GARIN5A: variants seen among roughly 807,000 people sequenced by gnomAD.
The protein encoded by GARIN5A is golgi associated RAB2 interactor 5A, also known as Golgi-associated RAB2 interactor protein 5A.
chr19:50,471,128 CTAA>C, the GARIN5A span, among the ~76,000 whole-genome samples: 1 of 151,906 alleles, frequency 6.6e-6, no homozygotes, highest in African/African-American at 2.4e-5. Flanking sequence ...CCATCCCTGG[CTAA>C]TGTTTGTATT....
At chr19:50,472,102 A>ATGTATG in the GARIN5A span, among the ~76,000 whole-genome samples, 357 of 142,500 alleles carry the variant, frequency 2.5e-3, 4 homozygotes, top group East Asian at 0.021. Context: ...GTATATGTAT[A>ATGTATG]TATACGTGTG....
the GARIN5A span, among the ~76,000 whole-genome samples, chr19:50,472,156 A>ATGTATATATACGTGTGTATG: frequency 6.7e-6 from 1 of 149,966 alleles, no homozygotes; most frequent in Non-Finnish European, 1.5e-5. Context: ...ACGTGTGTAT[A>ATGTATATATACGTGTGTATG]TGTATGTATA....
chr19:50,472,150 G>A, the GARIN5A span, among the ~76,000 whole-genome samples: 3 of 150,904 alleles, frequency 2.0e-5, no homozygotes, highest in African/African-American at 7.3e-5. Flanking sequence ...ATGTATACGT[G>A]TGTATATGTA....
the GARIN5A span, among the ~76,000 whole-genome samples, chr19:50,471,884 G>C: frequency 6.6e-6 from 1 of 150,686 alleles, no homozygotes; most frequent in Admixed American, 6.6e-5. Context: ...GCATACATGT[G>C]TGTATATGTA....
chr19:50,471,984 A>ATATGTATATATACGTG, the GARIN5A span, among the ~76,000 whole-genome samples: 1 of 149,522 alleles, frequency 6.7e-6, no homozygotes, highest in African/African-American at 2.5e-5. Context: ...GTATGTGTGT[A>ATATGTATATATACGTG]TATGTATATA....
the GARIN5A span, among the ~76,000 whole-genome samples, chr19:50,471,749 CATGCATGTGTAT>C: frequency 5.5e-5 from 8 of 145,956 alleles, no homozygotes; most frequent in South Asian, 2.1e-4. Flanking sequence ...TATACGCATA[CATGCATGTGTAT>C]ACGCATACAT....
At chr19:50,472,474 G>A in the GARIN5A span, among the ~76,000 whole-genome samples, 1 of 152,034 alleles carries the variant, frequency 6.6e-6, no homozygotes, top group Non-Finnish European at 1.5e-5. Flanking sequence ...TTGGGAAGGG[G>A]TTTTAGGGTG....
At chr19:50,476,014 G>T in the GARIN5A span, 1 of 1,602,462 alleles carries the variant, frequency 6.2e-7, no homozygotes, top group Non-Finnish European at 8.5e-7. Flanking sequence ...AACTGAGAGG[G>T]CCCGGCACAG....
chr19:50,472,109 T>C, the GARIN5A span, among the ~76,000 whole-genome samples: 3 of 146,438 alleles, frequency 2.0e-5, no homozygotes, highest in Non-Finnish European at 4.5e-5. Context: ...TATATATACG[T>C]GTGTATATGT....
chr19:50,472,142 G>GTGTGTATGTATA, the GARIN5A span, among the ~76,000 whole-genome samples: 1 of 109,328 alleles, frequency 9.1e-6, no homozygotes, highest in Non-Finnish European at 1.9e-5. Context: ...GTATATGTAT[G>GTGTGTATGTATA]TATACGTGTG....
the GARIN5A span, among the ~76,000 whole-genome samples, chr19:50,470,190 C>G: frequency 2.6e-5 from 4 of 152,216 alleles, no homozygotes; most frequent in African/African-American, 9.7e-5. Flanking sequence ...GTGTCTAAGA[C>G]AGCAGAGCAC....
the GARIN5A span, among the ~76,000 whole-genome samples, chr19:50,468,470 C>T: frequency 8.6e-5 from 13 of 151,984 alleles, no homozygotes; most frequent in African/African-American, 2.4e-4. Flanking sequence ...GCCCCTCACA[C>T]GCAGCCTACT....
the GARIN5A span, chr19:50,475,970 G>A: frequency 6.2e-7 from 1 of 1,607,472 alleles, no homozygotes; most frequent in South Asian, 1.1e-5. Context: ...ACGAAGTCTG[G>A]GGGTCGATCC....
At chr19:50,471,795 CAT>C in the GARIN5A span, among the ~76,000 whole-genome samples, 11 of 145,364 alleles carry the variant, frequency 7.6e-5, 1 homozygote, top group Middle Eastern at 3.3e-3. Flanking sequence ...CGCATACATG[CAT>C]GTGTATACGC....
the GARIN5A span, among the ~76,000 whole-genome samples, chr19:50,471,942 G>C: frequency 7.1e-6 from 1 of 139,984 alleles, no homozygotes; most frequent in African/African-American, 3.0e-5. Flanking sequence ...ATGTGTGTAA[G>C]TATATATACA....
the GARIN5A span, chr19:50,467,783 G>A: frequency 2.3e-5 from 37 of 1,612,466 alleles, no homozygotes; most frequent in Admixed American, 3.3e-5. Flanking sequence ...AGCTGACACC[G>A]GCTTTTGTCG....
At chr19:50,472,197 TGC>T in the GARIN5A span, among the ~76,000 whole-genome samples, 784 of 147,084 alleles carry the variant, frequency 5.3e-3, 50 homozygotes, top group African/African-American at 0.013. Context: ...CATGTATGTG[TGC>T]ATGTATATAC....
chr19:50,472,178 G>GTATGTATACGTGTGTA, the GARIN5A span, among the ~76,000 whole-genome samples: 30 of 145,004 alleles, frequency 2.1e-4, no homozygotes, highest in Middle Eastern at 7.3e-3. Context: ...GTGTGTATAT[G>GTATGTATACGTGTGTA]TATGTATACA....
chr19:50,467,583 CTCA>C, the GARIN5A span: 23 of 1,545,972 alleles, frequency 1.5e-5, no homozygotes, highest in Middle Eastern at 1.7e-4. Flanking sequence ...GGGCCTCCAC[CTCA>C]TCATCATCAC....
Sources: gnomAD v4.1 joint callset for allele counts (sites outside exome capture counted in the v4.1 genomes callset) on GRCh38, gnomAD v4.1.1 for gene constraint, MANE v1.5 for transcripts, NCBI Gene and HGNC (gene_info 2026-07-23, HGNC 2026-07-21) for gene names.